HS2ST1: variants seen among roughly 807,000 people sequenced by gnomAD.
HS2ST1 encodes 2-O-sulfotransferase.
In HS2ST1, 18 loss-of-function variants were observed where a neutral mutation model predicts 42.9. The ratio of observed to expected loss-of-function variants is 0.42; its 90% CI spans 0.29 to 0.62. The LOEUF (loss-of-function observed/expected upper bound fraction) is 0.62. Ranked by LOEUF, HS2ST1 falls within the 20% of genes least tolerant of loss-of-function variation. HS2ST1 has a pLI of 0.21. For synonymous variants in HS2ST1, 146 were observed against 152.9 expected (o/e 0.95, Z 0.33); for missense variants, 334 against 433.8 (o/e 0.77, Z 2.04).
intron 1 of HS2ST1, among the ~76,000 whole-genome samples, chr1:87,058,787 T>C (rs1262382939): frequency 1.3e-5 from 2 of 151,492 alleles, no homozygotes; most frequent in African/African-American, 4.9e-5. Context: ...GTTGGCTGGG[T>C]GCGGTGGCTC....
At chr1:86,956,966 C>T (rs932729577) in intron 1 of HS2ST1, among the ~76,000 whole-genome samples, 5 of 152,156 alleles carry the variant, frequency 3.3e-5, no homozygotes, top group Admixed American at 2.0e-4. Flanking sequence ...ACATTGAAAT[C>T]ATTCACAATT....
chr1:86,916,326 C>G (rs1199940796), intron 1 of HS2ST1, among the ~76,000 whole-genome samples: 1 of 151,550 alleles, frequency 6.6e-6, no homozygotes, highest in Non-Finnish European at 1.5e-5. Flanking sequence ...CCAGCAAAAA[C>G]AAAAACAAAA....
chr1:86,932,800 T>G (rs1285797825), intron 1 of HS2ST1, among the ~76,000 whole-genome samples: 1 of 152,164 alleles, frequency 6.6e-6, no homozygotes, highest in Non-Finnish European at 1.5e-5. Flanking sequence ...TCTCAGAAGC[T>G]TCTGAGCACA....
At chr1:86,975,612 A>G (rs1044432605) in intron 1 of HS2ST1, among the ~76,000 whole-genome samples, 5 of 152,226 alleles carry the variant, frequency 3.3e-5, no homozygotes, top group Non-Finnish European at 7.4e-5. Context: ...GTTGATATCA[A>G]GATGGCATTA....
rs1206732495 is a variant in HS2ST1 at position 86,985,399 on chromosome 1, CAT to C, written c.124+70247_124+70248del. ...ATATATATATACACACACACACACA[CAT>C]ATATATACACATATATATACACATA... On this transcript the variant is annotated intron_variant, in intron 1 of 6. Coordinates refer to ENST00000370550, the MANE Select transcript of HS2ST1 (RefSeq NM_012262.4). 1.2e-4 allele frequency among the ~76,000 whole-genome samples: 4 copies of C among 34,188 alleles called. 1 individual carries two copies. The highest frequency in any genetic ancestry group is 2.3e-4 in the Non-Finnish European group (3 of 13,274). 22.4% of individuals were successfully genotyped at this position (34,188 alleles called of 152,430 possible). A position where few individuals can be genotyped will look rare whatever the true frequency, so the allele number is the denominator to read the frequency against.
At chr1:87,041,410 AAAG>A (rs1379394627) in intron 1 of HS2ST1, among the ~76,000 whole-genome samples, 2 of 151,962 alleles carry the variant, frequency 1.3e-5, no homozygotes, top group Middle Eastern at 3.2e-3. Context: ...AAATTTAAAA[AAAG>A]AAGAAATAAA....
At chr1:87,002,630 GA>G (rs1213259275) in intron 1 of HS2ST1, among the ~76,000 whole-genome samples, 8 of 145,560 alleles carry the variant, frequency 5.5e-5, no homozygotes, top group African/African-American at 1.1e-4. Context: ...AAAAGAAAAA[GA>G]AAAAAAAGAG....
intron 1 of HS2ST1, among the ~76,000 whole-genome samples, chr1:86,925,056 A>G (rs1570424851): frequency 6.6e-6 from 1 of 152,288 alleles, no homozygotes; most frequent in East Asian, 1.9e-4. Flanking sequence ...GCTGCTTAGA[A>G]ATTTCTTTCA....
At position 86,914,770 on chromosome 1, in the gene HS2ST1, GCC is replaced by G. The variant is rs1179838704; in HGVS notation, c.-266_-265del. 1 of 500,534 alleles carries G rather than the reference GCC, an allele frequency of 2.0e-6. No individual in the cohort carries two copies. The highest frequency in any genetic ancestry group is 2.0e-5 in the African/African-American group (1 of 49,710). The allele number at this position is 500,534 out of a possible 1,614,324, so 31.0% of individuals were successfully genotyped here. On this transcript the variant is annotated 5_prime_UTR_variant, in exon 1 of 7. Transcript: ENST00000370550. ...AGTAGAGGGAGGCGAGAGCCCGGCAGCCGCTTCGCGCTGTTTGCTGCGCGGGC... is the reference window on the plus strand; with the variant it reads ...AGTAGAGGGAGGCGAGAGCCCGGCAGGCTTCGCGCTGTTTGCTGCGCGGGC...
chr1:86,977,374 C>G (rs1233378478), intron 1 of HS2ST1, among the ~76,000 whole-genome samples: 4 of 152,170 alleles, frequency 2.6e-5, no homozygotes, highest in African/African-American at 9.7e-5. Flanking sequence ...GAGGCACGCA[C>G]AAGGGAGTGA....
rs140711256 is a variant in HS2ST1 at position 87,083,954 on chromosome 1, A to G, written c.364-240A>G. On this transcript the variant is annotated intron_variant, in intron 2 of 6. Transcript: ENST00000370550. ...ACTCTACAGCATTGTAAAGGATTTC[A>G]TTGTGCCATTTTGTTTTCAGAATCA... 1.7e-4 allele frequency among the ~76,000 whole-genome samples: 26 copies of G among 152,248 alleles called. No individual in the cohort carries two copies. The East Asian group carries it at 2.7e-3, about 16-fold the overall frequency.
chr1:86,989,746 G>A (rs1357630798), intron 1 of HS2ST1, among the ~76,000 whole-genome samples: 2 of 152,082 alleles, frequency 1.3e-5, no homozygotes, highest in Non-Finnish European at 2.9e-5. Flanking sequence ...GCAGGCCCCA[G>A]TGTGTGATAT....
Position 87,074,830 on chromosome 1 carries a change from A to G in HS2ST1, c.363+1658A>G, listed in dbSNP as rs1651497681. 3.3e-5 allele frequency among the ~76,000 whole-genome samples: 5 copies of G among 152,210 alleles called. No individual in the cohort carries two copies. In the South Asian group the frequency reaches 1.0e-3, roughly 31 times the overall value. On this transcript the variant is annotated intron_variant, in intron 2 of 6. Transcript: ENST00000370550. Reference sequence around the variant, plus strand: ...TCATTAGCTGACATACTTCAAAATTATCAGCTGGTAGTCCAAAACCTGATC... The same window carrying G: ...TCATTAGCTGACATACTTCAAAATTGTCAGCTGGTAGTCCAAAACCTGATC...
intron 1 of HS2ST1, among the ~76,000 whole-genome samples, chr1:87,026,204 G>A (rs1221802727): frequency 6.6e-6 from 1 of 152,114 alleles, no homozygotes; most frequent in African/African-American, 2.4e-5. Context: ...ACAGTTCCCA[G>A]TGAAGTCACC....
At chr1:86,968,497 C>G (rs907927300) in intron 1 of HS2ST1, among the ~76,000 whole-genome samples, 6 of 151,990 alleles carry the variant, frequency 3.9e-5, no homozygotes, top group African/African-American at 1.5e-4. Flanking sequence ...TTGAACCCTC[C>G]AGGCTCAAGT....
intron 1 of HS2ST1, among the ~76,000 whole-genome samples, chr1:86,927,767 A>G (rs1340226202): frequency 6.6e-6 from 1 of 152,184 alleles, no homozygotes; most frequent in Non-Finnish European, 1.5e-5. Flanking sequence ...ATTTCTAATT[A>G]CAAACTACTT....
At chr1:86,936,077 TCTA>T (rs1397663518) in intron 1 of HS2ST1, among the ~76,000 whole-genome samples, 4 of 146,908 alleles carry the variant, frequency 2.7e-5, no homozygotes, top group Admixed American at 6.7e-5. Flanking sequence ...GCAATGGCTT[TCTA>T]CTACATTTCT....
intron 1 of HS2ST1, among the ~76,000 whole-genome samples, chr1:87,042,758 A>G (rs1001190304): frequency 2.0e-5 from 3 of 152,144 alleles, no homozygotes; most frequent in Non-Finnish European, 4.4e-5. Context: ...ATACATTTCC[A>G]CAGTCATCAT....
Position 86,914,936 on chromosome 1 carries a change from C to T in HS2ST1, c.-101C>T. 1 of 1,475,874 alleles carries T rather than the reference C, an allele frequency of 6.8e-7. No homozygotes were observed. Among genetic ancestry groups the T allele is most frequent in the East Asian group, 2.3e-5 (1 of 44,126 alleles). The allele number at this position is 1,475,874 out of a possible 1,614,324, so 91.4% of individuals were successfully genotyped here. ...TTCTCTCGCTGTCGCTCTCTCTTTG[C>T]CTCGCTCCCGGCTCGGCGGGCTCCT... On this transcript the variant is annotated 5_prime_UTR_variant, in exon 1 of 7. Transcript: ENST00000370550.
Sources: allele counts gnomAD v4.1 joint callset (sites outside exome capture counted in the v4.1 genomes callset), GRCh38; gene constraint gnomAD v4.1.1; transcripts MANE v1.5; gene names NCBI Gene and HGNC (gene_info 2026-07-23, HGNC 2026-07-21).